Variants in ROBO2 observed in about 807,000 individuals in gnomAD.
ROBO2 encodes the protein roundabout guidance receptor 2.
In ROBO2, 53 loss-of-function variants were observed where a neutral mutation model predicts 160.8. That is an observed-to-expected ratio of 0.33 (90% confidence interval 0.26 to 0.41). The LOEUF is 0.41. ROBO2 is among the 10% of genes least tolerant of loss of function. ROBO2 has a pLI of 1.00. For missense variants in ROBO2, 1,577 were observed against 1,722.4 expected, an observed-to-expected ratio of 0.92 and a Z score of 1.49; for synonymous variants, 664 against 611.7, an observed-to-expected ratio of 1.09 and a Z score of -1.26.
chr3:77,590,631 C>T (rs1358125829), intron 17 of ROBO2, among the ~76,000 whole-genome samples: 1 of 152,074 alleles, frequency 6.6e-6, no homozygotes, highest in East Asian at 1.9e-4. Context: ...AAAAAATTGA[C>T]TGTGCTGGTC....
At chr3:76,285,338 CAAT>C (rs757444690) in intron 2 of ROBO2, among the ~76,000 whole-genome samples, 3 of 151,944 alleles carry the variant, frequency 2.0e-5, no homozygotes, top group Non-Finnish European at 4.4e-5. Flanking sequence ...AACTCAGTAA[CAAT>C]GATGGTACTC....
chr3:76,574,626 C>A (rs2085170713), intron 2 of ROBO2, among the ~76,000 whole-genome samples: 1 of 152,044 alleles, frequency 6.6e-6, no homozygotes, highest in Non-Finnish European at 1.5e-5. Flanking sequence ...TGAGAGTATA[C>A]CCACTTCCTA....
In ROBO2 at chr3:76,969,047, T is replaced by C. The variant is rs115406216; in HGVS notation, c.110-128967T>C. The stretch of plus-strand genomic sequence containing the variant: ...CTTGATACTACTGCACTTGGAAACA[T>C]ACGTTTATTAAATAAAGACTTGGAG... On this transcript the variant is annotated intron_variant, in intron 2 of 26. Coordinates refer to the ROBO2 transcript ENST00000487694. Among the ~76,000 whole-genome samples the C allele has an allele frequency of 5.6e-3, 860 of 152,316 alleles. 9 individuals carry two copies. Among genetic ancestry groups the C allele is most frequent in the African/African-American group, 0.02 (831 of 41,576 alleles).
At chr3:77,095,721 T>C (rs2070960620) in intron 1 of ROBO2, among the ~76,000 whole-genome samples, 1 of 152,198 alleles carries the variant, frequency 6.6e-6, no homozygotes, top group Non-Finnish European at 1.5e-5. Context: ...TGTTTCTGAT[T>C]TGCAACCTAC....
At chr3:76,494,403 A>G (rs1324122639) in intron 2 of ROBO2, among the ~76,000 whole-genome samples, 1 of 152,138 alleles carries the variant, frequency 6.6e-6, no homozygotes, top group African/African-American at 2.4e-5. Context: ...GAGTGGCAAA[A>G]CCTACATACT....
At chr3:77,409,092 C>CATATATATATATGTATATATATATAT (rs35014479) in intron 2 of ROBO2, among the ~76,000 whole-genome samples, 1 of 128,018 alleles carries the variant, frequency 7.8e-6, no homozygotes, top group Non-Finnish European at 1.7e-5. Context: ...GAAATACATA[C>CATATATATATATGTATATATATATAT]ATATATATAT....
intron 2 of ROBO2, among the ~76,000 whole-genome samples, chr3:76,724,780 G>A (rs894822560): frequency 6.6e-6 from 1 of 152,162 alleles, no homozygotes; most frequent in African/African-American, 2.4e-5. Flanking sequence ...TTGAAGACGT[G>A]ATTCTGTTAA....
intron 2 of ROBO2, among the ~76,000 whole-genome samples, chr3:76,103,669 A>G (rs2069798386): frequency 6.6e-6 from 1 of 152,210 alleles, no homozygotes; most frequent in Non-Finnish European, 1.5e-5. Flanking sequence ...AGGGTCAAGA[A>G]AAAGGTCCAT....
chr3:76,770,815 A>G (rs1452554379), intron 2 of ROBO2, among the ~76,000 whole-genome samples: 3 of 151,288 alleles, frequency 2.0e-5, no homozygotes, highest in African/African-American at 4.8e-5. Flanking sequence ...AATGCCTCCA[A>G]CTGAGGTGAT....
chr3:76,463,425 A>G (rs922680933), intron 2 of ROBO2, among the ~76,000 whole-genome samples: 3 of 152,096 alleles, frequency 2.0e-5, no homozygotes, highest in Admixed American at 6.6e-5. Flanking sequence ...AGCTAATCCT[A>G]GGTTCACAAT....
At chr3:76,419,943 G>A (rs765007073) in intron 2 of ROBO2, among the ~76,000 whole-genome samples, 6 of 152,070 alleles carry the variant, frequency 3.9e-5, no homozygotes, top group Admixed American at 6.6e-5. Flanking sequence ...AAAATACACC[G>A]TAATCAGTGT....
intron 2 of ROBO2, among the ~76,000 whole-genome samples, chr3:76,423,370 A>G (rs1406112995): frequency 6.6e-6 from 1 of 152,188 alleles, no homozygotes; most frequent in Non-Finnish European, 1.5e-5. Flanking sequence ...CTCAGGAGCC[A>G]GGATGTTCTT....
intron 2 of ROBO2, among the ~76,000 whole-genome samples, chr3:76,011,490 T>C (rs1466533763): frequency 1.3e-5 from 2 of 152,274 alleles, no homozygotes; most frequent in Non-Finnish European, 2.9e-5. Flanking sequence ...CCTTTACTAG[T>C]TTTGGTTAGT....
Position 77,250,669 on chromosome 3 carries a change from T to G in ROBO2, c.388+152329T>G, listed in dbSNP as rs144028300. On this transcript the variant is annotated intron_variant, in intron 2 of 25. Transcript: ENST00000461745. ...AATTTACAATGAAGAGAAATTGATT[T>G]GGCTCGCAGTTCTGGAGTTTGGAAA... Among the ~76,000 whole-genome samples, 18 of 152,326 alleles carry G rather than the reference T, an allele frequency of 1.2e-4. 1 individual carries two copies. Among genetic ancestry groups the G allele is most frequent in the African/African-American group, 4.3e-4 (18 of 41,578 alleles).
intron 2 of ROBO2, among the ~76,000 whole-genome samples, chr3:76,274,183 A>G (rs959599609): frequency 6.6e-6 from 1 of 152,206 alleles, no homozygotes; most frequent in Non-Finnish European, 1.5e-5. Context: ...AACATAGATT[A>G]ACTATTAATT....
At chr3:76,549,814 CCTGT>C (rs2083311329) in intron 2 of ROBO2, among the ~76,000 whole-genome samples, 2 of 152,196 alleles carry the variant, frequency 1.3e-5, no homozygotes, top group African/African-American at 2.4e-5. Context: ...CAAGTTGTGG[CCTGT>C]CTGTTTATCT....
intron 2 of ROBO2, among the ~76,000 whole-genome samples, chr3:77,378,283 G>A (rs1381304126): frequency 6.6e-6 from 1 of 152,090 alleles, no homozygotes; most frequent in African/African-American, 2.4e-5. Flanking sequence ...ACTTTGCCAG[G>A]TACTATTTTA....
chr3:75,939,716 TATC>T (rs1947956022), intron 2 of ROBO2, among the ~76,000 whole-genome samples: 1 of 152,156 alleles, frequency 6.6e-6, no homozygotes, highest in Non-Finnish European at 1.5e-5. Context: ...CCAAGCTGCA[TATC>T]ATCATTTAGA....
intron 2 of ROBO2, among the ~76,000 whole-genome samples, chr3:76,781,585 A>G (rs1365512043): frequency 6.6e-6 from 1 of 150,796 alleles, no homozygotes; most frequent in African/African-American, 2.4e-5. Flanking sequence ...TAATATGTCA[A>G]GAGTTTTAAT....
Sources: allele counts gnomAD v4.1 joint callset (sites outside exome capture counted in the v4.1 genomes callset), GRCh38; gene constraint gnomAD v4.1.1; transcripts MANE v1.5; gene names NCBI Gene and HGNC (gene_info 2026-07-23, HGNC 2026-07-21).